The following TNR variants were observed in gnomAD, a reference collection of about 807,000 sequenced individuals.
The protein encoded by TNR is tenascin R.
TNR carries 45 observed loss-of-function variants against 150.4 expected under a neutral mutation model. The ratio of observed to expected loss-of-function variants is 0.30; its 90% confidence interval spans 0.24 to 0.38. TNR has a LOEUF of 0.38. Among genes scored for constraint, TNR ranks in the 10% least tolerant of loss-of-function variants. TNR has a pLI of 1.00. For synonymous variants in TNR, 687 were observed against 678.4 expected, an observed-to-expected ratio of 1.01 and a Z score of -0.20; for missense variants, 1,544 against 1,759.1, an observed-to-expected ratio of 0.88 and a Z score of 2.19.
At chr1:175,663,729 T>A (rs1184319350) in intron 1 of TNR, among the ~76,000 whole-genome samples, 1 of 152,156 alleles carries the variant, frequency 6.6e-6, no homozygotes, top group African/African-American at 2.4e-5. Flanking sequence ...GGAGACAGTG[T>A]GTTTAGAAGA....
Position 175,538,419 on chromosome 1 carries a change from C to T in TNR, c.-164-10050G>A, listed in dbSNP as rs142229824. On this transcript the variant is annotated intron_variant, in intron 1 of 22. Coordinates refer to ENST00000367674, the MANE Select transcript of TNR (RefSeq NM_003285.3). The stretch of plus-strand genomic sequence containing the variant: ...ATGGAAGTATAAGAGATTAATCCAA[C>T]GTGGAGGAGTGTTGATTGTGGGTTA... 1.4e-3 allele frequency among the ~76,000 whole-genome samples: 206 copies of T among 152,294 alleles called. 1 individual carries two copies. Among genetic ancestry groups the T allele is most frequent in the African/African-American group, 4.6e-3 (192 of 41,574 alleles).
chr1:175,561,244 A>G (rs1661413265), intron 1 of TNR, among the ~76,000 whole-genome samples: 1 of 152,092 alleles, frequency 6.6e-6, no homozygotes, highest in African/African-American at 2.4e-5. Flanking sequence ...TTCACTGAAC[A>G]GTGTTCTGGC....
At chr1:175,451,832 C>T (rs1460437090) in intron 2 of TNR, among the ~76,000 whole-genome samples, 1 of 152,158 alleles carries the variant, frequency 6.6e-6, no homozygotes, top group Non-Finnish European at 1.5e-5. Flanking sequence ...TGCGTTCTCT[C>T]CTTATATGTT....
chr1:175,613,498 C>T (rs541465426), intron 1 of TNR, among the ~76,000 whole-genome samples: 2 of 149,928 alleles, frequency 1.3e-5, no homozygotes, highest in Non-Finnish European at 3.0e-5. Context: ...GCATTCCCTG[C>T]CTGGTTCTTC....
intron 1 of TNR, among the ~76,000 whole-genome samples, chr1:175,577,960 T>C (rs374315516): frequency 9.2e-5 from 14 of 152,352 alleles, no homozygotes; most frequent in African/African-American, 3.4e-4. Flanking sequence ...TTCACCTCCC[T>C]GAACCTCGGC....
At chr1:175,431,225 G>A (rs576500516) in intron 2 of TNR, among the ~76,000 whole-genome samples, 203 of 152,272 alleles carry the variant, frequency 1.3e-3, no homozygotes, top group Non-Finnish European at 1.7e-3. Flanking sequence ...AGAAAAATCC[G>A]AACCTGAATC....
chr1:175,516,788 T>C (rs1304654010), intron 2 of TNR, among the ~76,000 whole-genome samples: 1 of 152,196 alleles, frequency 6.6e-6, no homozygotes, highest in Non-Finnish European at 1.5e-5. Flanking sequence ...TATTATTTTG[T>C]TCAGAAATTG....
chr1:175,454,741 G>A (rs138121675), intron 2 of TNR, among the ~76,000 whole-genome samples: 5 of 152,264 alleles, frequency 3.3e-5, no homozygotes, highest in Admixed American at 6.5e-5. Context: ...CAGAGTGCTG[G>A]GATTACAGGT....
chr1:175,600,802 G>A (rs886707537), intron 1 of TNR, among the ~76,000 whole-genome samples: 3 of 152,112 alleles, frequency 2.0e-5, no homozygotes, highest in South Asian at 2.1e-4. Context: ...ACAGCAAAAC[G>A]AAAACAATGA....
At chr1:175,712,126 G>A (rs1468657471) in intron 1 of TNR, among the ~76,000 whole-genome samples, 1 of 152,104 alleles carries the variant, frequency 6.6e-6, no homozygotes. Context: ...CAGGCACTGT[G>A]CTAATTATTT....
At chr1:175,728,784 G>T (rs1340048477) in intron 1 of TNR, among the ~76,000 whole-genome samples, 1 of 152,204 alleles carries the variant, frequency 6.6e-6, no homozygotes, top group Non-Finnish European at 1.5e-5. Flanking sequence ...GGGTAAAGGA[G>T]GTAGGGAAAT....
intron 7 of TNR, among the ~76,000 whole-genome samples, chr1:175,387,582 G>A (rs1291033969): frequency 5.9e-5 from 9 of 152,256 alleles, no homozygotes; most frequent in Non-Finnish European, 1.0e-4. Flanking sequence ...ATTTTCTGGT[G>A]CAAGTCTTTT....
At chr1:175,526,906 G>A (rs1312561808) in intron 2 of TNR, among the ~76,000 whole-genome samples, 1 of 152,238 alleles carries the variant, frequency 6.6e-6, no homozygotes, top group East Asian at 1.9e-4. Flanking sequence ...GACAAGCTAT[G>A]TTCTCCTGTG....
chr1:175,608,437 G>A (rs1158448994), intron 1 of TNR, among the ~76,000 whole-genome samples: 1 of 152,166 alleles, frequency 6.6e-6, no homozygotes, highest in Non-Finnish European at 1.5e-5. Context: ...AAGGTTAAAA[G>A]AAGAAAATAT....
At chr1:175,657,176 T>C (rs1308141615) in intron 1 of TNR, among the ~76,000 whole-genome samples, 3 of 152,282 alleles carry the variant, frequency 2.0e-5, no homozygotes, top group East Asian at 3.9e-4. Context: ...CCCATCAAGA[T>C]GCCAGGTGAC....
intron 1 of TNR, among the ~76,000 whole-genome samples, chr1:175,609,864 T>C (rs1010224352): frequency 1.3e-5 from 2 of 152,198 alleles, no homozygotes; most frequent in African/African-American, 4.8e-5. Flanking sequence ...GAAATTTAGA[T>C]GATCTTATAA....
chr1:175,324,589 A>T (rs1001704905), intron 21 of TNR, 70 bp from the exon 22 acceptor site: 1 of 1,551,530 alleles, frequency 6.4e-7, no homozygotes, highest in South Asian at 1.2e-5. Context: ...TGGACACTTG[A>T]CCCACTTCCA....
intron 2 of TNR, among the ~76,000 whole-genome samples, chr1:175,453,516 T>G (rs1175259833): frequency 1.3e-5 from 2 of 152,176 alleles, no homozygotes; most frequent in Non-Finnish European, 2.9e-5. Flanking sequence ...GGTTTCTAAC[T>G]TGCAGTTTTT....
chr1:175,355,428 GGTCACTCCACTA>G, intron 17 of TNR, 63 bp downstream of exon 17: 1 of 1,570,124 alleles, frequency 6.4e-7, no homozygotes, highest in South Asian at 1.2e-5. Flanking sequence ...AATGTCCTGT[GGTCACTCCACTA>G]GTCAGTTTCC....
Sources: allele counts gnomAD v4.1 joint callset (sites outside exome capture counted in the v4.1 genomes callset), GRCh38; gene constraint gnomAD v4.1.1; transcripts MANE v1.5; gene names NCBI Gene and HGNC (gene_info 2026-07-23, HGNC 2026-07-21).